DISP1: variants seen among roughly 807,000 people sequenced by gnomAD.
DISP1 encodes the protein protein dispatched homolog 1.
A neutral mutation model predicts 37.3 loss-of-function variants in DISP1; 30 were observed. The observed-to-expected ratio is 0.80, with a 90% CI of 0.60 to 1.09. The LOEUF is 1.09. Among genes scored for constraint, DISP1 ranks in the 50% least tolerant of loss-of-function variants. DISP1 has a pLI of 0.00. For synonymous variants in DISP1, 634 were observed against 690.2 expected, an observed-to-expected ratio of 0.92 and a Z score of 1.28; for missense variants, 1,598 against 1,879.5, an observed-to-expected ratio of 0.85 and a Z score of 2.77.
At position 223,003,230 on chromosome 1, in the gene DISP1, C is replaced by G. The variant is rs1679612088; in HGVS notation, c.1833C>G (p.Thr611=). ...ACGCTGCCCTCTCCATGTTCGTCAC[C>G]AGTTTTACCACTGCTGCTGCCTTTT... ...LQHAALSMFV[T]SFTTAAAFYA... Residue 611 remains threonine (T), a synonymous_variant, in exon 9 of 9, where the codon ACC becomes ACG. Transcript: ENST00000675850. The surrounding 1 kb of genome is among the most constrained non-coding windows in gnomAD (Gnocchi z 4.3). 2.5e-6 allele frequency: 4 copies of G among 1,614,100 alleles called. No homozygotes were observed. In the African/African-American group the frequency reaches 5.3e-5, roughly 22 times the overall value.
intron 1 of DISP1, among the ~76,000 whole-genome samples, chr1:222,913,069 T>C (rs934960372): frequency 1.3e-5 from 2 of 151,906 alleles, no homozygotes; most frequent in African/African-American, 4.9e-5. Context: ...AACTTCTAAT[T>C]AGACTTTAAA....
intron 1 of DISP1, among the ~76,000 whole-genome samples, chr1:222,887,281 C>T (rs954289110): frequency 2.0e-5 from 3 of 152,094 alleles, no homozygotes; most frequent in Non-Finnish European, 4.4e-5. Flanking sequence ...GAAGTACAAG[C>T]CCTTATTTTC....
At chr1:222,987,004 AC>A (rs1199042419) in intron 4 of DISP1, among the ~76,000 whole-genome samples, 1 of 152,032 alleles carries the variant, frequency 6.6e-6, no homozygotes, top group Non-Finnish European at 1.5e-5. Flanking sequence ...CTTCTACTCT[AC>A]ATGTGGTTCA....
At chr1:222,954,503 AAACTT>A (rs1490563877) in intron 3 of DISP1, among the ~76,000 whole-genome samples, 1 of 152,220 alleles carries the variant, frequency 6.6e-6, no homozygotes, top group Non-Finnish European at 1.5e-5. Flanking sequence ...AAAGTTAACA[AAACTT>A]AACAACAGCA....
At chr1:222,955,817 T>G (rs1675552597) in intron 3 of DISP1, among the ~76,000 whole-genome samples, 1 of 152,216 alleles carries the variant, frequency 6.6e-6, no homozygotes, top group African/African-American at 2.4e-5. Context: ...AAGACTTTTG[T>G]CTTCTCTTTG....
intron 3 of DISP1, among the ~76,000 whole-genome samples, chr1:222,948,976 G>A (rs1215851788): frequency 6.6e-6 from 1 of 152,102 alleles, no homozygotes; most frequent in East Asian, 1.9e-4. Flanking sequence ...ACCACCTTTT[G>A]TATAGTAGAC....
At chr1:222,849,332 G>A (rs1303113320) in intron 1 of DISP1, among the ~76,000 whole-genome samples, 2 of 152,014 alleles carry the variant, frequency 1.3e-5, no homozygotes, top group East Asian at 3.8e-4. Flanking sequence ...TATTTTTTGC[G>A]CAAATAACCA....
chr1:222,856,684 G>A (rs1668564220), intron 1 of DISP1, among the ~76,000 whole-genome samples: 1 of 147,336 alleles, frequency 6.8e-6, no homozygotes, highest in South Asian at 2.2e-4. Flanking sequence ...TGGACAATAT[G>A]TTTTTATGTT....
chr1:222,865,068 C>T (rs1012742715), intron 1 of DISP1, among the ~76,000 whole-genome samples: 6 of 151,244 alleles, frequency 4.0e-5, no homozygotes, highest in African/African-American at 1.2e-4. Flanking sequence ...CCTCAGGAAA[C>T]GTGGTATATT....
At chr1:222,877,225 A>C (rs1373189520) in intron 1 of DISP1, among the ~76,000 whole-genome samples, 2 of 152,190 alleles carry the variant, frequency 1.3e-5, no homozygotes, top group African/African-American at 4.8e-5. Context: ...CTGTTTTCAC[A>C]CTGCTGATAA....
rs1679871944 is a variant in DISP1 at position 223,005,813 on chromosome 1, T to C, written c.4416T>C (p.Gly1472=). Residue 1472 remains glycine, a synonymous_variant, in exon 9 of 9, where the codon GGT becomes GGC. Transcript: ENST00000675850. The part of the protein sequence containing the change: ...VLFNHLMGEA[G]CRSCPNNSQS... ...TTAATCATTTAATGGGGGAGGCTGG[T>C]TGTAGGTCTTGCCCAAATAATTCAC... 6.2e-7 allele frequency: 1 copy of C among 1,614,040 alleles called. No individual in the cohort carries two copies. Among genetic ancestry groups the C allele is most frequent in the Non-Finnish European group, 8.5e-7 (1 of 1,180,034 alleles).
chr1:222,897,656 T>G (rs1421936239), intron 1 of DISP1, among the ~76,000 whole-genome samples: 1 of 152,146 alleles, frequency 6.6e-6, no homozygotes, highest in East Asian at 1.9e-4. Flanking sequence ...AACCTGTCAT[T>G]AATCATTTTA....
At chr1:222,930,919 G>A (rs766369242) in intron 2 of DISP1, among the ~76,000 whole-genome samples, 14 of 151,984 alleles carry the variant, frequency 9.2e-5, no homozygotes, top group Non-Finnish European at 5.9e-5. Flanking sequence ...TACCTTGAGT[G>A]ATGTTTCCCA....
At chr1:222,916,265 G>A (rs1176833033) in intron 1 of DISP1, among the ~76,000 whole-genome samples, 4 of 152,120 alleles carry the variant, frequency 2.6e-5, no homozygotes, top group Admixed American at 6.6e-5. Context: ...ATATATGGTC[G>A]CTTGATATGA....
intron 1 of DISP1, among the ~76,000 whole-genome samples, chr1:222,906,622 C>A (rs1472546161): frequency 6.6e-6 from 1 of 152,214 alleles, no homozygotes; most frequent in African/African-American, 2.4e-5. Context: ...ACACTCCCAC[C>A]AGCGCCATGA....
intron 2 of DISP1, among the ~76,000 whole-genome samples, chr1:222,939,672 A>G (rs1259050761): frequency 2.6e-5 from 4 of 151,962 alleles, no homozygotes; most frequent in Non-Finnish European, 5.9e-5. Context: ...CTACCAAAAA[A>G]TACAAAAATT....
chr1:222,829,871 A>G (rs1185648155), intron 1 of DISP1, among the ~76,000 whole-genome samples: 1 of 152,198 alleles, frequency 6.6e-6, no homozygotes, highest in Non-Finnish European at 1.5e-5. Flanking sequence ...CACTGTTAAA[A>G]ATAATATTTT....
chr1:222,999,893 A>G (rs575630376), intron 8 of DISP1, among the ~76,000 whole-genome samples: 14 of 152,326 alleles, frequency 9.2e-5, no homozygotes, highest in African/African-American at 3.1e-4. Flanking sequence ...ACCATCAATC[A>G]GTACCATCTT....
At chr1:222,988,834 G>T (rs1003263609) in intron 4 of DISP1, among the ~76,000 whole-genome samples, 1 of 151,720 alleles carries the variant, frequency 6.6e-6, no homozygotes, top group African/African-American at 2.4e-5. Context: ...TTGCATTTTT[G>T]TAGAGACAGA....
Sources: allele counts gnomAD v4.1 joint callset (sites outside exome capture counted in the v4.1 genomes callset), GRCh38; gene constraint gnomAD v4.1.1; non-coding constraint Gnocchi (gnomAD v3.1); transcripts MANE v1.5; gene names NCBI Gene and HGNC (gene_info 2026-07-23, HGNC 2026-07-21).